The following GRIK3 variants were observed in gnomAD, a reference collection of about 807,000 sequenced individuals.
GRIK3 encodes glutamate receptor ionotropic, kainate 3.
A neutral mutation model predicts 102.5 loss-of-function variants in GRIK3; 29 were observed. The observed-to-expected ratio is 0.28, with a 90% CI of 0.21 to 0.39. The LOEUF (loss-of-function observed/expected upper bound fraction) is 0.39, where lower values mean the gene tolerates loss of function less well. Among genes scored for constraint, GRIK3 ranks in the 10% least tolerant of loss-of-function variants. The pLI is 1.00. For synonymous variants in GRIK3, 511 were observed against 504.9 expected, an observed-to-expected ratio of 1.01 and a Z score of -0.16; for missense variants, 908 against 1,252.4, an observed-to-expected ratio of 0.73 and a Z score of 4.15.
At chr1:36,937,065 G>A (rs1258356757) in intron 1 of GRIK3, among the ~76,000 whole-genome samples, 1 of 152,194 alleles carries the variant, frequency 6.6e-6, no homozygotes, top group East Asian at 1.9e-4. Flanking sequence ...TGTTGGCTTA[G>A]CTGAAGATTC....
At chr1:36,960,336 G>A (rs1020833176) in intron 1 of GRIK3, among the ~76,000 whole-genome samples, 2 of 151,366 alleles carry the variant, frequency 1.3e-5, no homozygotes, top group East Asian at 1.9e-4. Context: ...TGTGTGACCC[G>A]TGAACCTGTT....
At chr1:36,812,046 C>T (rs1642568388) in intron 13 of GRIK3, among the ~76,000 whole-genome samples, 1 of 152,118 alleles carries the variant, frequency 6.6e-6, no homozygotes, top group Non-Finnish European at 1.5e-5. Flanking sequence ...GTCCCCCTAC[C>T]TGCTTCTGCT....
chr1:36,984,781 T>C lies in GRIK3; in HGVS notation c.115+49213A>G, dbSNP rs3767103. On this transcript the variant is annotated intron_variant, in intron 1 of 15. Transcript: ENST00000373091. ...GCTGGGATCATCTGACCACGTGGGCTGTGAGGTGCAGAGCCCAGGCCAGAA... is the reference window on the plus strand; with the variant it reads ...GCTGGGATCATCTGACCACGTGGGCCGTGAGGTGCAGAGCCCAGGCCAGAA... Among the ~76,000 whole-genome samples, 105 of 152,318 alleles carry C rather than the reference T, an allele frequency of 6.9e-4. No individual in the cohort carries two copies. In the East Asian group the frequency reaches 0.02, roughly 29 times the overall value.
rs10630686 is a variant in GRIK3 at position 37,024,445 on chromosome 1, CTATTAT to C, written c.115+9543_115+9548del. Among the ~76,000 whole-genome samples, 560 of 145,650 alleles carry C rather than the reference CTATTAT, an allele frequency of 3.8e-3. 2 individuals are homozygous for C. Among genetic ancestry groups the C allele is most frequent in the African/African-American group, 0.012 (479 of 39,560 alleles). On this transcript the variant is annotated intron_variant, in intron 1 of 15. Transcript: ENST00000373091. Reference sequence around the variant, plus strand: ...CAAAAACCCTGTGAGGCAGGTACAACTATTATTATTATTATTATTATTATTATTATT... The same window carrying C: ...CAAAAACCCTGTGAGGCAGGTACAACTATTATTATTATTATTATTATTATT...
intron 1 of GRIK3, among the ~76,000 whole-genome samples, chr1:37,020,480 G>A (rs771904824): frequency 2.6e-5 from 4 of 152,332 alleles, no homozygotes; most frequent in East Asian, 1.9e-4. Context: ...TACAAAATGC[G>A]ATGTGAAAGA....
intron 1 of GRIK3, among the ~76,000 whole-genome samples, chr1:36,969,535 C>T (rs1642118967): frequency 6.6e-6 from 1 of 152,106 alleles, no homozygotes; most frequent in South Asian, 2.1e-4. Context: ...GTTGCTAGGC[C>T]CTGGAGGTGC....
chr1:36,810,992 G>A (rs1642555590), intron 13 of GRIK3, among the ~76,000 whole-genome samples: 4 of 152,210 alleles, frequency 2.6e-5, no homozygotes, highest in South Asian at 4.1e-4. Flanking sequence ...ACACCAGCTT[G>A]GACTCAAATG....
At chr1:36,832,579 G>T (rs1481396558) in intron 10 of GRIK3, among the ~76,000 whole-genome samples, 1 of 152,216 alleles carries the variant, frequency 6.6e-6, no homozygotes, top group African/African-American at 2.4e-5. Flanking sequence ...ACTAGTACCT[G>T]TGATTCATTC....
chr1:36,811,122 G>C (rs1486301854), intron 13 of GRIK3, among the ~76,000 whole-genome samples: 1 of 152,226 alleles, frequency 6.6e-6, no homozygotes, highest in African/African-American at 2.4e-5. Context: ...CATTCAACAA[G>C]ACAAGGTGTG....
chr1:37,027,366 A>G (rs1036717319), intron 1 of GRIK3, among the ~76,000 whole-genome samples: 1 of 151,976 alleles, frequency 6.6e-6, no homozygotes, highest in African/African-American at 2.4e-5. Flanking sequence ...ATCATGCTCA[A>G]TTAGGATTTG....
At chr1:36,848,897 G>A (rs1640549032) in intron 9 of GRIK3, among the ~76,000 whole-genome samples, 1 of 151,950 alleles carries the variant, frequency 6.6e-6, no homozygotes, top group Non-Finnish European at 1.5e-5. Flanking sequence ...AAGGCCAGCA[G>A]GATGTGAGGT....
At chr1:37,020,189 C>A (rs1311611841) in intron 1 of GRIK3, among the ~76,000 whole-genome samples, 1 of 152,160 alleles carries the variant, frequency 6.6e-6, no homozygotes, top group Non-Finnish European at 1.5e-5. Flanking sequence ...CACGACTTTT[C>A]TGTCTGGGAG....
chr1:36,976,665 C>T (rs995659782), intron 1 of GRIK3, among the ~76,000 whole-genome samples: 5 of 152,120 alleles, frequency 3.3e-5, no homozygotes, highest in Non-Finnish European at 7.4e-5. Flanking sequence ...AGGGATGATC[C>T]GTGCTGATCT....
At chr1:37,032,773 G>T (rs1309753641) in intron 1 of GRIK3, among the ~76,000 whole-genome samples, 1 of 152,144 alleles carries the variant, frequency 6.6e-6, no homozygotes, top group African/African-American at 2.4e-5. Flanking sequence ...TGTTCAAGAG[G>T]GTCCGGCTCC....
At chr1:36,998,665 C>T (rs1428417624) in intron 1 of GRIK3, among the ~76,000 whole-genome samples, 1 of 152,238 alleles carries the variant, frequency 6.6e-6, no homozygotes, top group African/African-American at 2.4e-5. Context: ...TTATCATCTC[C>T]ATTTTATAGA....
chr1:36,802,157 T>C (rs1642450039), intron 15 of GRIK3, 112 bp from the exon 16 acceptor site: 1 of 702,562 alleles, frequency 1.4e-6, no homozygotes, highest in Admixed American at 3.1e-5. Flanking sequence ...AGGTTACCCG[T>C]CTTTCTCACA....
At chr1:36,811,193 C>T (rs749010675) in intron 13 of GRIK3, among the ~76,000 whole-genome samples, 1 of 152,172 alleles carries the variant, frequency 6.6e-6, no homozygotes, top group Non-Finnish European at 1.5e-5. Context: ...TCACTCTTTC[C>T]CTTTAAGGCT....
rs1157721194 is a variant in GRIK3, at chr1:36,806,353, A to G, written c.2092-27T>C. The G allele has an allele frequency of 2.1e-6, 3 of 1,460,720 alleles. No homozygotes were observed. Among genetic ancestry groups the G allele is most frequent in the Non-Finnish European group, 2.9e-6 (3 of 1,046,004 alleles). The allele number at this position is 1,460,720 out of a possible 1,614,324, so 90.5% of individuals were successfully genotyped here. A position where few individuals can be genotyped will look rare whatever the true frequency, so the allele number is the denominator to read the frequency against. ...TGGGCCGTGAGGGAAGGGGTGATGCACACACCGTTACTAGGCGCACCAGGG... is the reference window on the plus strand; with the variant it reads ...TGGGCCGTGAGGGAAGGGGTGATGCGCACACCGTTACTAGGCGCACCAGGG... On this transcript the variant is annotated intron_variant, in intron 13 of 15. Transcript: ENST00000373091. The surrounding 1 kb of genome is among the most constrained non-coding windows in gnomAD (Gnocchi z 4.0).
chr1:36,948,627 T>C (rs977120387), intron 1 of GRIK3, among the ~76,000 whole-genome samples: 38 of 152,156 alleles, frequency 2.5e-4, no homozygotes, highest in African/African-American at 8.7e-4. Flanking sequence ...TAATAACTAC[T>C]TATTCTGGCA....
Sources: allele counts gnomAD v4.1 joint callset (sites outside exome capture counted in the v4.1 genomes callset), GRCh38; gene constraint gnomAD v4.1.1; non-coding constraint Gnocchi (gnomAD v3.1); transcripts MANE v1.5; gene names NCBI Gene and HGNC (gene_info 2026-07-23, HGNC 2026-07-21).